Variants in MYO15A observed in about 807,000 individuals in gnomAD.
MYO15A encodes the protein unconventional myosin-XV.
A neutral mutation model predicts 394.6 loss-of-function variants in MYO15A; 308 were observed. The ratio of observed to expected loss-of-function variants is 0.78; its 90% CI spans 0.71 to 0.86. MYO15A has a LOEUF of 0.86. MYO15A is among the 40% of genes least tolerant of loss of function. MYO15A has a pLI of 0.00. For missense variants in MYO15A, 4,606 were observed against 4,799.1 expected (o/e 0.96, Z 1.19); for synonymous variants, 1,957 against 2,003.8 (o/e 0.98, Z 0.62).
At chr17:18,158,496 G>C in intron 51 of MYO15A, 27 bp from the exon 52 acceptor site, 1 of 1,603,104 alleles carries the variant, frequency 6.2e-7, no homozygotes, top group East Asian at 2.2e-5. Context: ...GCCGGACTGG[G>C]CCTTCCTAGC....
In MYO15A at chr17:18,151,718, G is replaced by C. The variant is rs2046585976; in HGVS notation, c.7788-128G>C. On this transcript the variant is annotated intron_variant, in intron 40 of 65. Coordinates refer to ENST00000647165, the MANE Select transcript of MYO15A (RefSeq NM_016239.4). ...GCTGTAGGACTTCAGGCCAGTCTCT[G>C]CTTCTCCCTGGATTCTCATTTATAA... 8.5e-6 allele frequency: 10 copies of C among 1,174,368 alleles called. No homozygotes were observed. In the South Asian group the frequency reaches 1.2e-4, roughly 14 times the overall value. 72.7% of individuals were successfully genotyped at this position (1,174,368 alleles called of 1,614,324 possible). A position where few individuals can be genotyped will look rare whatever the true frequency, so the allele number is the denominator to read the frequency against.
rs777373668 is a variant in MYO15A, at chr17:18,119,638, G to A, written c.838G>A (p.Gly280Arg). 1.1e-5 allele frequency: 17 copies of A among 1,603,240 alleles called. 2 individuals are homozygous for A. The highest frequency in any genetic ancestry group is 4.5e-5 in the East Asian group (2 of 44,860). Residue 280 changes from glycine (G) to arginine (R), a missense_variant, in exon 2 of 66, where the codon GGG becomes AGG. Around this residue, in one of 2 missense-constraint regions of MYO15A, gnomAD observed 1,830 missense variants for 1,689.7 expected, o/e 1.08. Transcript: ENST00000647165. ...GCCACCCTACGGCGACCACTACTAC[G>A]GGTACCCGCCCGAGGATCCCTACGA... is the stretch of plus-strand genomic sequence containing the variant. ...AWPPYGDHYYGYPPEDPYDYY... is the reference protein window; with the variant it reads ...AWPPYGDHYYRYPPEDPYDYY...
intron 60 of MYO15A, chr17:18,164,411 T>G (rs2046820568): frequency 5.4e-6 from 1 of 185,548 alleles, no homozygotes; most frequent in Non-Finnish European, 1.1e-5. Flanking sequence ...TCCCTACTGC[T>G]GCCTCAGTCC....
intron 19 of MYO15A, 97 bp downstream of exon 19, chr17:18,139,708 C>G (rs778309615): frequency 7.1e-7 from 1 of 1,401,160 alleles, no homozygotes; most frequent in Admixed American, 1.9e-5. Context: ...TTGCCACGTC[C>G]TGGCTCCGCT....
Position 18,147,489 on chromosome 17 carries a change from TG to T in MYO15A, c.6510-538del, listed in dbSNP as rs1367503224. On this transcript the variant is annotated intron_variant, in intron 30 of 65. Transcript: ENST00000647165. This position sits in a 1 kb window ranked among gnomAD's most constrained non-coding sequence, Gnocchi z 4.4. The stretch of plus-strand genomic sequence containing the variant: ...GTGGGGGTGAGGGAAGCATGAGGAA[TG>T]GCTGGTAGGGATTGGGCTCATTGGG... 4.6e-5 allele frequency among the ~76,000 whole-genome samples: 7 copies of T among 152,270 alleles called. No individual in the cohort carries two copies. In the East Asian group the frequency reaches 1.4e-3, roughly 29 times the overall value.
At chr17:18,133,477 A>T in intron 12 of MYO15A, 91 bp downstream of exon 12, 1 of 1,509,368 alleles carries the variant, frequency 6.6e-7, no homozygotes, top group Admixed American at 1.9e-5. Flanking sequence ...TTCAGATTAC[A>T]CTATGCACAT....
At position 18,143,844 on chromosome 17, in the gene MYO15A, C is replaced by G. The variant is rs775757135; in HGVS notation, c.6047-26C>G. The G allele has an allele frequency of 6.4e-6, 10 of 1,570,910 alleles. No individual in the cohort carries two copies. The South Asian group carries it at 1.0e-4, about 16-fold the overall frequency. On this transcript the variant is annotated intron_variant, in intron 27 of 65. Coordinates refer to ENST00000647165, the MANE Select transcript of MYO15A (RefSeq NM_016239.4). The stretch of plus-strand genomic sequence containing the variant: ...GAGGGCCCAGGCAGATCAGAGCAGG[C>G]ACCGCATTCCCTCCTCTTTCCACAG...
At chr17:18,134,168 T>C (rs2046221425) in intron 12 of MYO15A, among the ~76,000 whole-genome samples, 1 of 151,564 alleles carries the variant, frequency 6.6e-6, no homozygotes, top group African/African-American at 2.4e-5. Context: ...TTTTGTATTT[T>C]TAGTAGAGAT....
At position 18,125,149 on chromosome 17, in the gene MYO15A, T is replaced by C. The variant is rs1338327429; in HGVS notation, c.3693-19T>C. The C allele has an allele frequency of 6.2e-7, 1 of 1,613,852 alleles. No homozygotes were observed. Among genetic ancestry groups the C allele is most frequent in the African/African-American group, 1.3e-5 (1 of 75,042 alleles). ...ACCAGCCCTGGGGGCACTGACGGCT[T>C]CTCTCTGTGTCCTTCTAGAGACCTC... is the stretch of plus-strand genomic sequence containing the variant. On this transcript the variant is annotated intron_variant, in intron 3 of 65. Transcript: ENST00000647165.
Position 18,179,248 on chromosome 17 carries a change from T to C in MYO15A, c.*378T>C, listed in dbSNP as rs999936011. ...GATGAACTGGCCTCTGCCTTTGGTT[T>C]ACTCAGGGTCTGATGTTGGAATCTG... On this transcript the variant is annotated 3_prime_UTR_variant, in exon 66 of 66. Transcript: ENST00000647165. The C allele has an allele frequency of 2.7e-6, 1 of 364,872 alleles. No homozygotes were observed. The highest frequency in any genetic ancestry group is 2.1e-5 in the African/African-American group (1 of 47,982). 22.6% of individuals were successfully genotyped at this position (364,872 alleles called of 1,614,324 possible).
At chr17:18,168,560 T>G (rs2046889485) in intron 62 of MYO15A, among the ~76,000 whole-genome samples, 1 of 137,830 alleles carries the variant, frequency 7.3e-6, no homozygotes, top group Admixed American at 7.3e-5. Flanking sequence ...AGAGCAAGAC[T>G]CCGTCTCAAA....
intron 1 of MYO15A, among the ~76,000 whole-genome samples, chr17:18,112,317 A>G (rs1473937987): frequency 1.3e-5 from 2 of 150,708 alleles, no homozygotes; most frequent in African/African-American, 4.9e-5. Flanking sequence ...GGTCCCTGAC[A>G]TTCTTCCTGA....
chr17:18,122,853 C>T (rs538017605), intron 2 of MYO15A: 4 of 168,268 alleles, frequency 2.4e-5, no homozygotes, highest in African/African-American at 4.8e-5. Flanking sequence ...TGACCCTCCC[C>T]CAAATTAAAG....
chr17:18,115,476 G>GTGTGTT (rs2045772001), intron 1 of MYO15A, among the ~76,000 whole-genome samples: 1 of 152,116 alleles, frequency 6.6e-6, no homozygotes, highest in Non-Finnish European at 1.5e-5. Context: ...AAATTAGCTG[G>GTGTGTT]GCGTGGCGGT....
intron 15 of MYO15A, among the ~76,000 whole-genome samples, chr17:18,137,212 G>A (rs932767762): frequency 6.6e-6 from 1 of 152,226 alleles, no homozygotes; most frequent in African/African-American, 2.4e-5. Context: ...GCCAGGTGCT[G>A]TTTAAAGCAC....
chr17:18,153,980 G>C lies in MYO15A; in HGVS notation c.8088+84G>C. On this transcript the variant is annotated intron_variant, in intron 43 of 65. Coordinates refer to ENST00000647165, the MANE Select transcript of MYO15A (RefSeq NM_016239.4). This position sits in a 1 kb window ranked among gnomAD's most constrained non-coding sequence, Gnocchi z 4.1. ...GCGAGCAGAGGAGGGTCTAGGACTTGGGGAGGGAGCCCAGGAGGACAGAAA... is the reference window on the plus strand; with the variant it reads ...GCGAGCAGAGGAGGGTCTAGGACTTCGGGAGGGAGCCCAGGAGGACAGAAA... 6.2e-7 allele frequency: 1 copy of C among 1,608,758 alleles called. No homozygotes were observed. The highest frequency in any genetic ancestry group is 8.5e-7 in the Non-Finnish European group (1 of 1,176,768).
At chr17:18,178,608 T>A in intron 65 of MYO15A, 161 bp from the exon 66 acceptor site, 1 of 748,934 alleles carries the variant, frequency 1.3e-6, no homozygotes, top group Non-Finnish European at 2.4e-6. Flanking sequence ...CTTCCAGCTC[T>A]TCATGCTCCT....
intron 7 of MYO15A, among the ~76,000 whole-genome samples, chr17:18,127,960 G>A (rs993595143): frequency 1.3e-5 from 2 of 151,674 alleles, no homozygotes; most frequent in African/African-American, 2.4e-5. Context: ...GGTTGCAATC[G>A]TAAGTGTGGT....
In MYO15A at chr17:18,151,174, T is replaced by A; in HGVS notation, c.7538T>A (p.Leu2513His). The change falls in exon 39 of 66, where the codon CTC (leucine) becomes CAC (histidine). Residue 2513 changes from leucine (L) to histidine (H), a missense_variant. Leu to His is a moderately conservative substitution (Grantham distance 99). Coordinates refer to ENST00000647165, the MANE Select transcript of MYO15A (RefSeq NM_016239.4). Reference protein sequence around the residue: ...VGTGPPAKPVLLRATPKPLAP... With the variant: ...VGTGPPAKPVHLRATPKPLAP... ...ACCGGTCCCCCTGCCAAACCCGTGC[T>A]CCTGCGTGCCACTCCAAAGCCCTTG... 1 of 1,614,068 alleles carries A rather than the reference T, an allele frequency of 6.2e-7. No individual in the cohort carries two copies. The highest frequency in any genetic ancestry group is 1.1e-5 in the South Asian group (1 of 91,086).
Sources: gnomAD v4.1 joint callset for allele counts (sites outside exome capture counted in the v4.1 genomes callset) on GRCh38, gnomAD v4.1.1 for gene constraint, gnomAD v4.1.1 regional missense constraint, Gnocchi (gnomAD v3.1) non-coding constraint, MANE v1.5 for transcripts, NCBI Gene and HGNC (gene_info 2026-07-23, HGNC 2026-07-21) for gene names.